The following RAI14 variants were observed in gnomAD, a reference collection of about 807,000 sequenced individuals.
RAI14 encodes the protein retinoic acid induced 14.
RAI14 carries 45 observed loss-of-function variants against 115.4 expected under a neutral mutation model. That is an observed-to-expected ratio of 0.39 (90% CI 0.31 to 0.50). RAI14 has a LOEUF of 0.50. RAI14 is among the 20% of genes least tolerant of loss of function. The pLI, the probability that RAI14 is intolerant of heterozygous loss-of-function variation, is 0.85. For missense variants in RAI14, 939 were observed against 1,131.2 expected (o/e 0.83, Z 2.44); for synonymous variants, 371 against 415.4 (o/e 0.89, Z 1.30).
At chr5:34,746,875 A>G (rs565036034) in intron 2 of RAI14, among the ~76,000 whole-genome samples, 74 of 152,158 alleles carry the variant, frequency 4.9e-4, no homozygotes, top group Non-Finnish European at 9.8e-4. Context: ...TAATTGAATC[A>G]TGGGGGCTGG....
At chr5:34,826,554 G>A (rs994902152) in intron 16 of RAI14, 75 bp downstream of exon 16, 3 of 1,520,556 alleles carry the variant, frequency 2.0e-6, no homozygotes, top group Admixed American at 2.0e-5. Flanking sequence ...AGCTGCTAGG[G>A]CAAGTGGGCG....
chr5:34,667,118 C>CT (rs1216058866), intron 1 of RAI14: 1 of 152,196 alleles, frequency 6.6e-6, no homozygotes, highest in Non-Finnish European at 1.5e-5. Flanking sequence ...CACTGCACTT[C>CT]TACACATTAT....
Position 34,818,871 on chromosome 5 carries a change from G to T in RAI14, c.994+20G>T. 2 of 1,437,340 alleles carry T rather than the reference G, an allele frequency of 1.4e-6. No individual in the cohort carries two copies. The highest frequency in any genetic ancestry group is 1.5e-5 in the African/African-American group (1 of 66,976). 89.0% of individuals were successfully genotyped at this position (1,437,340 alleles called of 1,614,324 possible). Reference sequence around the variant, plus strand: ...CTACAGGTAAGACAAGGAAGCATCTGTTTTTTTTTTTCCTTCAACCAAACT... The same window carrying T: ...CTACAGGTAAGACAAGGAAGCATCTTTTTTTTTTTTTCCTTCAACCAAACT... On this transcript the variant is annotated intron_variant, in intron 13 of 17. Coordinates refer to ENST00000265109, the MANE Select transcript of RAI14 (RefSeq NM_015577.3).
intron 1 of RAI14, among the ~76,000 whole-genome samples, chr5:34,668,715 G>A (rs991731536): frequency 6.6e-6 from 1 of 151,534 alleles, no homozygotes; most frequent in African/African-American, 2.4e-5. Context: ...TTAAAATATC[G>A]GCATGGAAAC....
At chr5:34,696,694 C>T (rs1401147538) in intron 2 of RAI14, among the ~76,000 whole-genome samples, 1 of 152,210 alleles carries the variant, frequency 6.6e-6, no homozygotes, top group African/African-American at 2.4e-5. Flanking sequence ...GTTCTTAAAC[C>T]TTAGTGACTT....
intron 12 of RAI14, among the ~76,000 whole-genome samples, chr5:34,815,718 A>G (rs779194550): frequency 4.6e-5 from 7 of 152,242 alleles, no homozygotes; most frequent in African/African-American, 7.2e-5. Context: ...AATAAGTTCA[A>G]GAGATCCATG....
Position 34,826,495 on chromosome 5 carries a change from T to G in RAI14, c.2799+16T>G. On this transcript the variant is annotated intron_variant, in intron 16 of 17. Transcript: ENST00000265109. Reference sequence around the variant, plus strand: ...CCAGCTGGCGGTGAGTGGGCTTGTTTCTGCTGCCTGGTTTGGGGTGGAGGG... The same window carrying G: ...CCAGCTGGCGGTGAGTGGGCTTGTTGCTGCTGCCTGGTTTGGGGTGGAGGG... 6.2e-7 allele frequency: 1 copy of G among 1,610,430 alleles called. No individual in the cohort carries two copies. Among genetic ancestry groups the G allele is most frequent in the Non-Finnish European group, 8.5e-7 (1 of 1,177,822 alleles).
intron 2 of RAI14, among the ~76,000 whole-genome samples, chr5:34,745,201 A>G (rs1186932054): frequency 1.3e-5 from 2 of 152,234 alleles, no homozygotes; most frequent in South Asian, 2.1e-4. Flanking sequence ...GATTTAAATG[A>G]AATAAATTAT....
At chr5:34,759,640 G>T (rs1419311462) in intron 3 of RAI14, among the ~76,000 whole-genome samples, 1 of 137,232 alleles carries the variant, frequency 7.3e-6, no homozygotes, top group African/African-American at 2.7e-5. Flanking sequence ...CAAGCTCAGG[G>T]CTCCCACAGA....
intron 3 of RAI14, among the ~76,000 whole-genome samples, chr5:34,762,263 C>T (rs1409704779): frequency 1.3e-5 from 2 of 152,104 alleles, no homozygotes; most frequent in East Asian, 3.8e-4. Flanking sequence ...TGACTTGGCC[C>T]CCAAGCTTCC....
intron 1 of RAI14, chr5:34,684,675 G>C (rs1265555659): frequency 6.6e-6 from 1 of 152,230 alleles, no homozygotes; most frequent in Non-Finnish European, 1.5e-5. Context: ...AATGAAAGTA[G>C]ACACATTGGA....
At chr5:34,687,941 A>G (rs985764811) in intron 2 of RAI14, 20 of 966,814 alleles carry the variant, frequency 2.1e-5, no homozygotes, top group Non-Finnish European at 3.0e-5. Flanking sequence ...ATGACATGTA[A>G]CTTACTGCCC....
intron 2 of RAI14, among the ~76,000 whole-genome samples, chr5:34,705,202 T>C (rs1391505119): frequency 6.6e-6 from 1 of 152,198 alleles, no homozygotes; most frequent in Non-Finnish European, 1.5e-5. Flanking sequence ...TTTTTTCAAC[T>C]CTAAATCTCC....
At chr5:34,704,669 C>T (rs528529976) in intron 2 of RAI14, among the ~76,000 whole-genome samples, 15 of 142,414 alleles carry the variant, frequency 1.1e-4, no homozygotes, top group Non-Finnish European at 2.0e-4. Context: ...TTATATACTC[C>T]TATCTATCAA....
chr5:34,707,826 A>G (rs10062185), intron 2 of RAI14, among the ~76,000 whole-genome samples: 43,012 of 152,104 alleles, frequency 0.28, 6,985 homozygotes, highest in African/African-American at 0.46. Context: ...CTTGAAATAG[A>G]CAGTTATTTT....
rs188397688 is a variant in RAI14 at position 34,796,986 on chromosome 5, A to G, written c.256+959A>G. Among the ~76,000 whole-genome samples the G allele has an allele frequency of 5.9e-5, 9 of 152,296 alleles. No homozygotes were observed. The East Asian group carries it at 1.7e-3, about 29-fold the overall frequency. ...GTGAAGCCAGTGTTGACAAAAGATGAACAAGGCAAATGGAGAGAAAAGGTA... is the reference window on the plus strand; with the variant it reads ...GTGAAGCCAGTGTTGACAAAAGATGGACAAGGCAAATGGAGAGAAAAGGTA... On this transcript the variant is annotated intron_variant, in intron 4 of 17. Coordinates refer to ENST00000265109, the MANE Select transcript of RAI14 (RefSeq NM_015577.3).
intron 3 of RAI14, among the ~76,000 whole-genome samples, chr5:34,794,222 A>G (rs1027595543): frequency 1.4e-4 from 22 of 152,056 alleles, no homozygotes; most frequent in Admixed American, 1.2e-3. Flanking sequence ...CAGGAGTTTG[A>G]GACCAGCCTG....
Position 34,811,920 on chromosome 5 carries a change from A to G in RAI14, c.711A>G (p.Leu237=), listed in dbSNP as rs1359301926. 5 of 1,610,852 alleles carry G rather than the reference A, an allele frequency of 3.1e-6. No individual in the cohort carries two copies. Among genetic ancestry groups the G allele is most frequent in the Admixed American group, 1.7e-5 (1 of 59,010 alleles). ...AAAATGCAGGAATTCAAAGCCTTCT[A>G]TTATCAAAAATCTCTCAGGATGCTG... The part of the protein sequence containing the change: ...LSENAGIQSL[L]LSKISQDADL... The change falls in exon 9 of 18, where the codon CTA becomes CTG. Residue 237 remains leucine (L), a synonymous_variant. Coordinates refer to ENST00000265109, the MANE Select transcript of RAI14 (RefSeq NM_015577.3).
chr5:34,660,987 C>T (rs929922034), intron 1 of RAI14, among the ~76,000 whole-genome samples: 1 of 152,158 alleles, frequency 6.6e-6, no homozygotes, highest in African/African-American at 2.4e-5. Context: ...TCCAGTCCAG[C>T]CTGCAACCTC....
Sources: gnomAD v4.1 joint callset for allele counts (sites outside exome capture counted in the v4.1 genomes callset) on GRCh38, gnomAD v4.1.1 for gene constraint, MANE v1.5 for transcripts, NCBI Gene and HGNC (gene_info 2026-07-23, HGNC 2026-07-21) for gene names.